The following HMGA2 variants were observed in gnomAD, a reference collection of about 807,000 sequenced individuals.
The protein encoded by HMGA2 is high mobility group AT-hook 2.
A neutral mutation model predicts 19.1 loss-of-function variants in HMGA2; 8 were observed. The ratio of observed to expected loss-of-function variants is 0.42; its 90% CI spans 0.25 to 0.76. The LOEUF (loss-of-function observed/expected upper bound fraction) is 0.76, where lower values mean the gene tolerates loss of function less well. Ranked by LOEUF, HMGA2 falls within the 30% of genes least tolerant of loss-of-function variation. HMGA2 has a pLI of 0.28. For missense variants in HMGA2, 109 were observed against 136.3 expected (o/e 0.80, Z 1.00); for synonymous variants, 60 against 48.8 (o/e 1.23, Z -0.96).
At chr12:65,890,389 T>C (rs1262637364) in intron 3 of HMGA2, among the ~76,000 whole-genome samples, 1 of 152,200 alleles carries the variant, frequency 6.6e-6, no homozygotes, top group Non-Finnish European at 1.5e-5. Flanking sequence ...TAGCTTTTAG[T>C]TTTTTCAAAA....
At chr12:65,913,275 A>C (rs899062071) in intron 3 of HMGA2, among the ~76,000 whole-genome samples, 3 of 151,900 alleles carry the variant, frequency 2.0e-5, no homozygotes, top group African/African-American at 7.3e-5. Flanking sequence ...CAACTCCTTC[A>C]GTGGTCTTCC....
chr12:65,915,033 G>T, intron 3 of HMGA2: 1 of 1,612,846 alleles, frequency 6.2e-7, no homozygotes, highest in Non-Finnish European at 8.5e-7. Context: ...CATGCCATAT[G>T]CCCCATCCTG....
At chr12:65,917,947 AAAGTG>A (rs1414320556) in intron 3 of HMGA2, among the ~76,000 whole-genome samples, 1 of 152,238 alleles carries the variant, frequency 6.6e-6, no homozygotes, top group African/African-American at 2.4e-5. Context: ...GTAATTTATA[AAAGTG>A]AAGAATTATC....
chr12:65,881,552 C>T, intron 3 of HMGA2: 1 of 592,932 alleles, frequency 1.7e-6, no homozygotes, highest in East Asian at 2.8e-5. Flanking sequence ...CTGTGTGCTA[C>T]CAAGTAATGG....
intron 3 of HMGA2, among the ~76,000 whole-genome samples, chr12:65,916,082 T>C (rs1044887475): frequency 3.3e-5 from 5 of 152,146 alleles, no homozygotes; most frequent in Non-Finnish European, 5.9e-5. Flanking sequence ...AAGAAGATCC[T>C]TTTATACTAG....
intron 2 of HMGA2, among the ~76,000 whole-genome samples, chr12:65,833,099 A>AT (rs1870546477): frequency 6.6e-6 from 1 of 152,034 alleles, no homozygotes; most frequent in South Asian, 2.1e-4. Flanking sequence ...AATTACTTAT[A>AT]TTTTCTATTG....
At chr12:65,892,483 C>G (rs948169225) in intron 3 of HMGA2, among the ~76,000 whole-genome samples, 1 of 152,168 alleles carries the variant, frequency 6.6e-6, no homozygotes, top group African/African-American at 2.4e-5. Flanking sequence ...CAACTCTGGA[C>G]AGGTTTTTCA....
intron 3 of HMGA2, among the ~76,000 whole-genome samples, chr12:65,891,503 T>C (rs1032374699): frequency 2.0e-5 from 3 of 152,222 alleles, no homozygotes; most frequent in East Asian, 1.9e-4. Context: ...TCTGTGGTCA[T>C]GGCTGTGGAA....
chr12:65,890,074 C>A (rs923923042), intron 3 of HMGA2, among the ~76,000 whole-genome samples: 4 of 152,098 alleles, frequency 2.6e-5, no homozygotes, highest in Admixed American at 6.5e-5. Context: ...AAGCAAAGAA[C>A]CTTACAAATT....
intron 3 of HMGA2, among the ~76,000 whole-genome samples, chr12:65,919,426 C>T (rs1875224330): frequency 6.6e-6 from 1 of 152,170 alleles, no homozygotes; most frequent in Non-Finnish European, 1.5e-5. Context: ...TCCTATTCTG[C>T]TCTTGCCTGA....
chr12:65,889,397 G>A (rs1303194024), intron 3 of HMGA2, among the ~76,000 whole-genome samples: 2 of 152,180 alleles, frequency 1.3e-5, no homozygotes, highest in Non-Finnish European at 2.9e-5. Context: ...ATGTAGATGT[G>A]CACAGAGGAC....
rs34541445 is a variant in HMGA2 at position 65,849,736 on chromosome 12, A to ATTTTTTTTTTTTTTTTTTT, written c.249+11173_249+11191dup. Among the ~76,000 whole-genome samples the ATTTTTTTTTTTTTTTTTTT allele has an allele frequency of 9.6e-4, 82 of 85,126 alleles. 15 individuals carry two copies. The highest frequency in any genetic ancestry group is 4.2e-3 in the African/African-American group (77 of 18,530). The allele number at this position is 85,126 out of a possible 152,430, so 55.8% of individuals were successfully genotyped here. ...AAACCAAGACAATGGTAGGCTCTGT[A>ATTTTTTTTTTTTTTTTTTT]TTTTTTTTTTTTTTTTTTTTTTTTG... On this transcript the variant is annotated intron_variant, in intron 3 of 4. Transcript: ENST00000403681.
chr12:65,910,284 C>G (rs1372250062), intron 3 of HMGA2, among the ~76,000 whole-genome samples: 1 of 152,218 alleles, frequency 6.6e-6, no homozygotes, highest in African/African-American at 2.4e-5. Flanking sequence ...TCTCATGAAA[C>G]AGGTCCCCAT....
intron 3 of HMGA2, chr12:65,867,570 G>T: frequency 2.3e-6 from 1 of 436,744 alleles, no homozygotes; most frequent in South Asian, 1.6e-5. Flanking sequence ...AAATCAGTTG[G>T]ACTGAGCACA....
chr12:65,828,150 TA>T, intron 2 of HMGA2, 63 bp downstream of exon 2: 1 of 1,223,814 alleles, frequency 8.2e-7, no homozygotes, highest in South Asian at 1.2e-5. Flanking sequence ...AGCCTGCCTG[TA>T]ACTTTCCCAT....
chr12:65,905,476 C>T (rs1375466967), intron 3 of HMGA2, among the ~76,000 whole-genome samples: 1 of 151,988 alleles, frequency 6.6e-6, no homozygotes, highest in African/African-American at 2.4e-5. Context: ...TTTGATTGTT[C>T]ATTATTACAG....
intron 3 of HMGA2, among the ~76,000 whole-genome samples, chr12:65,887,107 A>G (rs1288095433): frequency 6.6e-6 from 1 of 152,192 alleles, no homozygotes; most frequent in Non-Finnish European, 1.5e-5. Flanking sequence ...TAAAGAGTTC[A>G]TTACACAAAC....
intron 3 of HMGA2, chr12:65,843,196 A>G (rs140690901): frequency 5.3e-5 from 12 of 225,860 alleles, no homozygotes; most frequent in African/African-American, 2.7e-4. Flanking sequence ...GTTCACTTCA[A>G]TTGGTCACTA....
At chr12:65,869,662 A>G (rs1015292711) in intron 3 of HMGA2, among the ~76,000 whole-genome samples, 3 of 152,222 alleles carry the variant, frequency 2.0e-5, no homozygotes, top group South Asian at 4.1e-4. Flanking sequence ...CAATGTAGGT[A>G]ATATGAATGG....
Sources: gnomAD v4.1 joint callset for allele counts (sites outside exome capture counted in the v4.1 genomes callset) on GRCh38, gnomAD v4.1.1 for gene constraint, MANE v1.5 for transcripts, NCBI Gene and HGNC (gene_info 2026-07-23, HGNC 2026-07-21) for gene names.